Variants in TMC2 observed in about 807,000 individuals in gnomAD.
The protein encoded by TMC2 is transmembrane channel like 2.
TMC2 carries 102 observed loss-of-function variants against 105.9 expected under a neutral mutation model. The ratio of observed to expected loss-of-function variants is 0.96; its 90% CI spans 0.82 to 1.14. TMC2 has a LOEUF of 1.14. Among genes scored for constraint, TMC2 ranks in the 50% most tolerant of loss-of-function variants. TMC2 has a pLI of 0.00. For synonymous variants in TMC2, 402 were observed against 422.8 expected (o/e 0.95, Z 0.60); for missense variants, 1,093 against 1,134.3 (o/e 0.96, Z 0.52).
chr20:2,636,459 T>TACACACACACACACACACACACAC (rs3051763), intron 18 of TMC2, among the ~76,000 whole-genome samples: 2 of 143,522 alleles, frequency 1.4e-5, no homozygotes, highest in South Asian at 2.3e-4. Flanking sequence ...GACTGCTGTC[T>TACACACACACACACACACACACAC]ACACACACAC....
At chr20:2,577,092 G>C (rs1284680925) in intron 5 of TMC2, among the ~76,000 whole-genome samples, 1 of 151,226 alleles carries the variant, frequency 6.6e-6, no homozygotes, top group Non-Finnish European at 1.5e-5. Context: ...ATTTTTAGTA[G>C]AGACAGGGTT....
intron 2 of TMC2, among the ~76,000 whole-genome samples, chr20:2,540,178 G>A (rs1331484343): frequency 6.6e-6 from 1 of 151,156 alleles, no homozygotes; most frequent in African/African-American, 2.4e-5. Context: ...TTTTAGTAGA[G>A]ACCGGGTTTC....
intron 12 of TMC2, among the ~76,000 whole-genome samples, chr20:2,611,869 G>GAT (rs75362368): frequency 0.012 from 1,600 of 129,136 alleles, 30 homozygotes; most frequent in East Asian, 0.026. Flanking sequence ...TGGATGGATG[G>GAT]GTGGGTGGGT....
At chr20:2,580,077 A>G in intron 7 of TMC2, 21 bp downstream of exon 7, 1 of 1,500,670 alleles carries the variant, frequency 6.7e-7, no homozygotes, top group South Asian at 1.1e-5. Context: ...AACTTCCTAA[A>G]TCTTTGGATA....
At chr20:2,569,862 G>A (rs1360361767) in intron 4 of TMC2, among the ~76,000 whole-genome samples, 1 of 152,142 alleles carries the variant, frequency 6.6e-6, no homozygotes, top group Non-Finnish European at 1.5e-5. Flanking sequence ...TTTTTGTGTA[G>A]CCCCTCCAGA....
intron 2 of TMC2, among the ~76,000 whole-genome samples, chr20:2,556,803 T>C (rs1363758881): frequency 6.6e-6 from 1 of 152,132 alleles, no homozygotes; most frequent in Non-Finnish European, 1.5e-5. Flanking sequence ...TCCGTTTTTG[T>C]TTGTCTGAGA....
At position 2,554,433 on chromosome 20, in the gene TMC2, T is replaced by C. The variant is rs2085974537; in HGVS notation, c.83-4023T>C. On this transcript the variant is annotated intron_variant, in intron 2 of 19. Transcript: ENST00000358864. ...GCTTCTCTCCATCGTTTTCTTGTGT[T>C]CAATTTCATTGATTTCTGCTCTAAT... is the stretch of plus-strand genomic sequence containing the variant. Among the ~76,000 whole-genome samples, 3 of 152,226 alleles carry C rather than the reference T, an allele frequency of 2.0e-5. No homozygotes were observed. In the South Asian group the frequency reaches 6.2e-4, roughly 31 times the overall value.
At chr20:2,589,870 C>T (rs2086257339) in intron 7 of TMC2, among the ~76,000 whole-genome samples, 2 of 152,106 alleles carry the variant, frequency 1.3e-5, no homozygotes, top group African/African-American at 4.8e-5. Flanking sequence ...AGGGTTTCAC[C>T]GTGTTAGCCA....
chr20:2,596,620 G>A (rs375827717), intron 9 of TMC2, among the ~76,000 whole-genome samples: 2 of 143,394 alleles, frequency 1.4e-5, no homozygotes, highest in Admixed American at 7.2e-5. Context: ...ACGACAGAGC[G>A]AGACTCTGTT....
Position 2,612,318 on chromosome 20 carries a change from G to C in TMC2, c.1721G>C (p.Cys574Ser). 6.3e-7 allele frequency: 1 copy of C among 1,584,324 alleles called. No homozygotes were observed. Among genetic ancestry groups the C allele is most frequent in the Non-Finnish European group, 8.6e-7 (1 of 1,160,278 alleles). The change falls in exon 13 of 20, where the codon TGC becomes TCC. Residue 574 changes from cysteine (C) to serine (S), a missense_variant. By Grantham distance (112) the Cys-to-Ser change is moderately radical. Transcript: ENST00000358864. ...LHPADVPRGSCWETAVGIEFM... is the reference protein window; with the variant it reads ...LHPADVPRGSSWETAVGIEFM... ...CCTGCAGATGTGCCCCGGGGTTCTT[G>C]CTGGGAGACAGCTGTGGGCATTGTG...
intron 5 of TMC2, among the ~76,000 whole-genome samples, chr20:2,577,739 C>A (rs1417273446): frequency 2.0e-5 from 3 of 151,570 alleles, no homozygotes; most frequent in Non-Finnish European, 2.9e-5. Flanking sequence ...ATGGTGAGAC[C>A]CTGTCTCTAC....
chr20:2,540,694 T>C (rs947095870), intron 2 of TMC2, among the ~76,000 whole-genome samples: 1 of 150,488 alleles, frequency 6.6e-6, no homozygotes, highest in Non-Finnish European at 1.5e-5. Context: ...TTATTAATGA[T>C]GGCTTCAGAC....
At chr20:2,582,097 G>T (rs1451910084) in intron 7 of TMC2, among the ~76,000 whole-genome samples, 2 of 152,142 alleles carry the variant, frequency 1.3e-5, no homozygotes, top group African/African-American at 4.8e-5. Flanking sequence ...TGTTGCAGTA[G>T]GTCAGTGCTA....
At chr20:2,538,463 G>A (rs1483702846) in intron 2 of TMC2, among the ~76,000 whole-genome samples, 4 of 152,196 alleles carry the variant, frequency 2.6e-5, no homozygotes, top group South Asian at 2.1e-4. Flanking sequence ...CCCGGGGGTC[G>A]GGCCACGGTG....
chr20:2,540,616 G>A (rs985872561), intron 2 of TMC2, among the ~76,000 whole-genome samples: 16 of 148,904 alleles, frequency 1.1e-4, no homozygotes, highest in African/African-American at 4.0e-4. Context: ...AGCCTAGATG[G>A]TGCCATTGCA....
intron 9 of TMC2, among the ~76,000 whole-genome samples, chr20:2,595,383 C>A (rs1414558635): frequency 6.6e-6 from 1 of 152,196 alleles, no homozygotes; most frequent in Non-Finnish European, 1.5e-5. Context: ...GTCCAGAGCT[C>A]AGCTTCCTCC....
chr20:2,555,306 C>T (rs1345886689), intron 2 of TMC2, among the ~76,000 whole-genome samples: 1 of 152,176 alleles, frequency 6.6e-6, no homozygotes, highest in East Asian at 1.9e-4. Context: ...GTCTCGAACA[C>T]CTGACCTCAG....
In TMC2 at chr20:2,592,306, C is replaced by A; in HGVS notation, c.835-4C>A. 1 of 1,604,950 alleles carries A rather than the reference C, an allele frequency of 6.2e-7. No homozygotes were observed. Among genetic ancestry groups the A allele is most frequent in the Non-Finnish European group, 8.5e-7 (1 of 1,171,982 alleles). On this transcript the variant is annotated splice_region_variant and splice_polypyrimidine_tract_variant and intron_variant, in intron 7 of 19. Transcript: ENST00000358864. The surrounding 1 kb of genome is among the most constrained non-coding windows in gnomAD (Gnocchi z 4.9). ...ATACTTGTGTCATTGTGTTTCTGCA[C>A]AAGGTACTGATGGGCATGCCCTATG...
At position 2,536,731 on chromosome 20, in the gene TMC2, A is replaced by T; in HGVS notation, c.34+76A>T. 2.7e-6 allele frequency: 4 copies of T among 1,495,680 alleles called. No homozygotes were observed. In the South Asian group the frequency reaches 4.8e-5, roughly 18 times the overall value. 92.7% of individuals were successfully genotyped at this position (1,495,680 alleles called of 1,614,324 possible). A position where few individuals can be genotyped will look rare whatever the true frequency, so the allele number is the denominator to read the frequency against. ...GCAGCAGGGGATGGGGGAAGCACAT[A>T]TGGTGTTCAGAGGCATAGGGAGGAG... On this transcript the variant is annotated intron_variant, in intron 1 of 19. Coordinates refer to ENST00000358864, the MANE Select transcript of TMC2 (RefSeq NM_080751.3).
Sources: allele counts gnomAD v4.1 joint callset (sites outside exome capture counted in the v4.1 genomes callset), GRCh38; gene constraint gnomAD v4.1.1; non-coding constraint Gnocchi (gnomAD v3.1); transcripts MANE v1.5; gene names NCBI Gene and HGNC (gene_info 2026-07-23, HGNC 2026-07-21).